Variants in GREP1 observed in about 807,000 individuals in gnomAD.
The protein encoded by GREP1 is glycine rich extracellular protein 1.
chr16:3,000,692 C>T lies in GREP1; in HGVS notation c.1418-22C>T, dbSNP rs1311859475. 18 of 398,840 alleles carry T rather than the reference C, an allele frequency of 4.5e-5. No individual in the cohort carries two copies. In the South Asian group the frequency reaches 6.4e-4, roughly 14 times the overall value. The allele number at this position is 398,840 out of a possible 1,614,324, so 24.7% of individuals were successfully genotyped here. On this transcript the variant is annotated intron_variant, in intron 32 of 34. Transcript: ENST00000573315. ...CCAGCTCCTGTGGGCAAGGGTACCC[C>T]TGCCAGCTCTCCTCCCCACAGGGCA...
chr16:2,989,793 GGA>G lies in GREP1; in HGVS notation c.131-175_131-174del, dbSNP rs1354736533. 1.3e-5 allele frequency among the ~76,000 whole-genome samples: 2 copies of G among 152,028 alleles called. No homozygotes were observed. The highest frequency in any genetic ancestry group is 4.8e-5 in the African/African-American group (2 of 41,380). Reference sequence around the variant, plus strand: ...AGAAAGGAAAGAGAGCAGAAAGGAAGGAGAGAGGGAAGGAGGGAGGGAAGGAG... The same window carrying G: ...AGAAAGGAAAGAGAGCAGAAAGGAAGGAGAGGGAAGGAGGGAGGGAAGGAG... On this transcript the variant is annotated intron_variant, in intron 3 of 34. Transcript: ENST00000573315. The surrounding 1 kb of genome is among the most constrained non-coding windows in gnomAD (Gnocchi z 4.2).
At chr16:2,996,009 T>G in intron 18 of GREP1, 1 of 391,842 alleles carries the variant, frequency 2.6e-6, no homozygotes, top group Non-Finnish European at 4.5e-6. Flanking sequence ...CTCGGTTCAC[T>G]GCAACCTCCA....
chr16:2,991,961 T>C lies in GREP1; in HGVS notation c.323-844T>C, dbSNP rs2072401452. 6.6e-6 allele frequency: 1 copy of C among 152,590 alleles called. No individual in the cohort carries two copies. The highest frequency in any genetic ancestry group is 2.4e-5 in the African/African-American group (1 of 41,434). 9.5% of individuals were successfully genotyped at this position (152,590 alleles called of 1,614,324 possible). A position where few individuals can be genotyped will look rare whatever the true frequency, so the allele number is the denominator to read the frequency against. Reference sequence around the variant, plus strand: ...GGCTCCAGGGAGCTGCAGCCTCCTTTACCTGGTCTCTCTCTCTATTCCTGG... The same window carrying C: ...GGCTCCAGGGAGCTGCAGCCTCCTTCACCTGGTCTCTCTCTCTATTCCTGG... On this transcript the variant is annotated intron_variant, in intron 8 of 34. Coordinates refer to ENST00000573315, the Ensembl canonical transcript of GREP1. This position sits in a 1 kb window ranked among gnomAD's most constrained non-coding sequence, Gnocchi z 4.9.
chr16:2,991,117 G>C lies in GREP1; in HGVS notation c.322+16G>C, dbSNP rs2072397144. The C allele has an allele frequency of 2.5e-6, 1 of 399,220 alleles. No individual in the cohort carries two copies. Among genetic ancestry groups the C allele is most frequent in the South Asian group, 1.3e-4 (1 of 7,870 alleles). 24.7% of individuals were successfully genotyped at this position (399,220 alleles called of 1,614,324 possible). ...GCCCAGTCAGGTGAGGAAACGTCGG[G>C]TGTGGCAGGACCTGGGCTTCCAGGA... On this transcript the variant is annotated intron_variant, in intron 8 of 34. Coordinates refer to ENST00000573315, the Ensembl canonical transcript of GREP1. The surrounding 1 kb of genome is among the most constrained non-coding windows in gnomAD (Gnocchi z 4.9).
At chr16:2,996,552 C>T in intron 19 of GREP1, 21 bp downstream of exon 18, 1 of 399,344 alleles carries the variant, frequency 2.5e-6, no homozygotes, top group Non-Finnish European at 4.4e-6. Flanking sequence ...CTGGGCCTGG[C>T]TCGCGAGGGG....
intron 22 of GREP1, 77 bp from the exon 21 acceptor site, chr16:2,997,726 G>A (rs977910749): frequency 1.8e-5 from 7 of 398,510 alleles, no homozygotes; most frequent in Admixed American, 8.8e-5. Flanking sequence ...CACCAGGTGG[G>A]GGACAGATGC....
chr16:2,988,921 G>T, intron 2 of GREP1: 1 of 361,694 alleles, frequency 2.8e-6, no homozygotes, highest in Non-Finnish European at 4.9e-6. Flanking sequence ...AAGGGGGCCG[G>T]AGGGGGAGAG....
intron 26 of GREP1, 46 bp downstream of exon 24, chr16:2,999,025 G>A (rs1421081787): frequency 7.5e-6 from 3 of 398,998 alleles, no homozygotes; most frequent in Non-Finnish European, 1.3e-5. Context: ...GAAGCACCTG[G>A]CCCTATGAGG....
At chr16:2,988,495 G>A (rs1278975156) in intron 1 of GREP1, 95 bp from the exon 2 acceptor site, 11 of 398,672 alleles carry the variant, frequency 2.8e-5, no homozygotes, top group Non-Finnish European at 4.9e-5. Context: ...CAGACAGTGA[G>A]GGTTTTTGGG....
At chr16:2,997,347 G>A in intron 21 of GREP1, 1 of 398,556 alleles carries the variant, frequency 2.5e-6, no homozygotes, top group South Asian at 1.3e-4. Context: ...CCTCTCCTTA[G>A]CTAGAATCCC....
rs543943493 is a variant in GREP1 at position 3,000,657 on chromosome 16, GC to G, written c.1417+46del. On this transcript the variant is annotated intron_variant, in intron 32 of 34. Transcript: ENST00000573315. The stretch of plus-strand genomic sequence containing the variant: ...GGGAGCAGAGCCAAGCCCAACAGGG[GC>G]CAGGGGTCCCAGCTCCTGTGGGCAA... 70 of 398,892 alleles carry G rather than the reference GC, an allele frequency of 1.8e-4. No homozygotes were observed. The South Asian group carries it at 7.0e-3, about 40-fold the overall frequency. The allele number at this position is 398,892 out of a possible 1,614,324, so 24.7% of individuals were successfully genotyped here. A position where few individuals can be genotyped will look rare whatever the true frequency, so the allele number is the denominator to read the frequency against.
rs889874142 is a variant in GREP1, at chr16:2,992,598, A to G, written c.323-207A>G. 2.3e-5 allele frequency: 9 copies of G among 384,982 alleles called. No homozygotes were observed. Among genetic ancestry groups the G allele is most frequent in the African/African-American group, 8.3e-5 (4 of 48,358 alleles). 23.8% of individuals were successfully genotyped at this position (384,982 alleles called of 1,614,324 possible). On this transcript the variant is annotated intron_variant, in intron 8 of 34. Transcript: ENST00000573315. This position sits in a 1 kb window ranked among gnomAD's most constrained non-coding sequence, Gnocchi z 4.9. ...CTCGGCTGGCCATGGAGGACACCCAAGCTGGTCAAGGGTGGCCACGGTCTG... is the reference window on the plus strand; with the variant it reads ...CTCGGCTGGCCATGGAGGACACCCAGGCTGGTCAAGGGTGGCCACGGTCTG...
At chr16:2,996,564 C>G (rs888792011) in intron 19 of GREP1, 33 bp downstream of exon 18, 3 of 399,234 alleles carry the variant, frequency 7.5e-6, no homozygotes, top group Non-Finnish European at 1.3e-5. Context: ...CGCGAGGGGT[C>G]GGGAGGTGGG....
chr16:3,000,139 G>A (rs2072452126), intron 29 of GREP1, 21 bp downstream of exon 26: 2 of 399,054 alleles, frequency 5.0e-6, no homozygotes. Flanking sequence ...CTGGGCCCCC[G>A]ACCCATGTTG....
chr16:2,996,841 G>A (rs944157625), intron 20 of GREP1, 136 bp downstream of exon 19: 5 of 398,878 alleles, frequency 1.3e-5, no homozygotes, highest in Admixed American at 4.4e-5. Context: ...ACCGAGGACC[G>A]AGGGGAGAGG....
rs1255249710 is a variant in GREP1, at chr16:2,994,786, G to C, written c.416-20G>C. On this transcript the variant is annotated intron_variant, in intron 11 of 34. Transcript: ENST00000573315. ...AGCTGGGGCCCCAGGTTCCTCACCT[G>C]CTCCCTGTCTCTCCACCAGGCTATG... is the stretch of plus-strand genomic sequence containing the variant. 5.0e-6 allele frequency: 2 copies of C among 399,048 alleles called. No homozygotes were observed. The highest frequency in any genetic ancestry group is 8.8e-6 in the Non-Finnish European group (2 of 226,198). The allele number at this position is 399,048 out of a possible 1,614,324, so 24.7% of individuals were successfully genotyped here.
intron 13 of GREP1, 68 bp downstream of exon 14, chr16:2,995,030 T>C (rs1386256842): frequency 5.0e-6 from 2 of 398,526 alleles, no homozygotes; most frequent in Non-Finnish European, 8.8e-6. Context: ...AGGGGCGGGA[T>C]TGGTGAATGA....
In GREP1 at chr16:2,991,349, G is replaced by A. The variant is rs547574903; in HGVS notation, c.322+248G>A. On this transcript the variant is annotated intron_variant, in intron 8 of 34. Coordinates refer to ENST00000573315, the Ensembl canonical transcript of GREP1. This position sits in a 1 kb window ranked among gnomAD's most constrained non-coding sequence, Gnocchi z 4.9. ...GTCCCTCAAGCCTGCCCACCCCACCGCTCATGGCCCTCACCAATGTCTCCC... is the reference window on the plus strand; with the variant it reads ...GTCCCTCAAGCCTGCCCACCCCACCACTCATGGCCCTCACCAATGTCTCCC... The A allele has an allele frequency of 1.3e-4, 48 of 373,054 alleles. No homozygotes were observed. The South Asian group carries it at 2.1e-3, about 16-fold the overall frequency. 23.1% of individuals were successfully genotyped at this position (373,054 alleles called of 1,614,324 possible).
chr16:2,996,449 C>T (rs746195990), intron 18 of GREP1, 47 bp from the exon 18 acceptor site: 18 of 398,888 alleles, frequency 4.5e-5, no homozygotes, highest in Non-Finnish European at 7.5e-5. Context: ...CTCCTGACAC[C>T]CCCTCCGAAT....
Sources: allele counts gnomAD v4.1 joint callset (sites outside exome capture counted in the v4.1 genomes callset), GRCh38; gene constraint gnomAD v4.1.1; non-coding constraint Gnocchi (gnomAD v3.1); transcripts MANE v1.5; gene names NCBI Gene and HGNC (gene_info 2026-07-23, HGNC 2026-07-21).